The following EML4 variants were observed in gnomAD, a reference collection of about 807,000 sequenced individuals.
EML4 encodes the protein EMAP like 4.
EML4 carries 72 observed loss-of-function variants against 129.0 expected under a neutral mutation model. The ratio of observed to expected loss-of-function variants is 0.56; its 90% CI spans 0.46 to 0.68. EML4 has a LOEUF of 0.68. Ranked by LOEUF, EML4 falls within the 30% of genes least tolerant of loss-of-function variation. The pLI is 0.00. For synonymous variants in EML4, 532 were observed against 405.0 expected, an observed-to-expected ratio of 1.31 and a Z score of -3.77; for missense variants, 1,363 against 1,190.6, an observed-to-expected ratio of 1.14 and a Z score of -2.13.
chr2:42,284,748 G>T, intron 9 of EML4, 45 bp downstream of exon 9: 2 of 1,389,050 alleles, frequency 1.4e-6, no homozygotes, highest in Admixed American at 2.0e-5. Context: ...AGACATTGCT[G>T]TTAGAGTGGA....
chr2:42,268,221 CT>C (rs368982266), intron 6 of EML4, among the ~76,000 whole-genome samples: 10 of 151,872 alleles, frequency 6.6e-5, no homozygotes, highest in African/African-American at 1.9e-4. Flanking sequence ...CATGTATAAA[CT>C]TTTTTTTGTC....
rs1331297102 is a variant in EML4 at position 42,282,857 on chromosome 2, G to A, written c.826G>A (p.Val276Ile). ...TCGAGGAAAGGACTGTAGAGCTAAT[G>A]TTTACCTTCTTCCGACCGGGAAAAT... is the stretch of plus-strand genomic sequence containing the variant. ...GYRGKDCRAN[V>I]YLLPTGKIVY... is the part of the protein sequence containing the mutation. Residue 276 changes from valine (V) to isoleucine (I), a missense_variant, in exon 8 of 23, where the codon GTT (valine) becomes ATT (isoleucine). Transcript: ENST00000318522. 1 of 1,613,222 alleles carries A rather than the reference G, an allele frequency of 6.2e-7. No individual in the cohort carries two copies. The highest frequency in any genetic ancestry group is 2.2e-5 in the East Asian group (1 of 44,862).
intron 1 of EML4, among the ~76,000 whole-genome samples, chr2:42,200,723 T>C (rs931800119): frequency 2.0e-5 from 3 of 152,184 alleles, no homozygotes; most frequent in Non-Finnish European, 4.4e-5. Flanking sequence ...TCTAGAGGAA[T>C]GTTTTATATC....
In EML4 at chr2:42,169,777, C is replaced by T; in HGVS notation, c.25+141C>T. 5 of 934,314 alleles carry T rather than the reference C, an allele frequency of 5.4e-6. No homozygotes were observed. In the Admixed American group the frequency reaches 1.0e-4, roughly 19 times the overall value. 57.9% of individuals were successfully genotyped at this position (934,314 alleles called of 1,614,324 possible). Reference sequence around the variant, plus strand: ...GCACATGTTCCCTTCGAGGCTGCCGCCCCTCCGCGGACTCCGGTGGACTGA... The same window carrying T: ...GCACATGTTCCCTTCGAGGCTGCCGTCCCTCCGCGGACTCCGGTGGACTGA... On this transcript the variant is annotated intron_variant, in intron 1 of 22. Transcript: ENST00000318522.
At chr2:42,297,851 CA>C (rs1013061122) in intron 13 of EML4, among the ~76,000 whole-genome samples, 2 of 152,106 alleles carry the variant, frequency 1.3e-5, no homozygotes, top group Non-Finnish European at 2.9e-5. Context: ...TAATAGGAGA[CA>C]AACCAAAACT....
intron 6 of EML4, among the ~76,000 whole-genome samples, chr2:42,279,770 G>A (rs1014012708): frequency 1.5e-5 from 2 of 132,630 alleles, no homozygotes; most frequent in Admixed American, 7.1e-5. Flanking sequence ...CACCGCGCCC[G>A]GCTGTCTTTT....
chr2:42,273,007 C>G (rs1056448956), intron 6 of EML4, among the ~76,000 whole-genome samples: 2 of 152,082 alleles, frequency 1.3e-5, no homozygotes, highest in Non-Finnish European at 2.9e-5. Flanking sequence ...CTGCTGAGGC[C>G]TCCTGATTGC....
At chr2:42,200,855 A>G (rs1672189555) in intron 1 of EML4, among the ~76,000 whole-genome samples, 1 of 152,152 alleles carries the variant, frequency 6.6e-6, no homozygotes, top group African/African-American at 2.4e-5. Flanking sequence ...TTTGCAGGGG[A>G]CAGTAGGGGA....
At chr2:42,222,798 T>A (rs924354410) in intron 1 of EML4, among the ~76,000 whole-genome samples, 1 of 151,786 alleles carries the variant, frequency 6.6e-6, no homozygotes, top group African/African-American at 2.4e-5. Flanking sequence ...TTTGTTTTGT[T>A]TTGTTTTGTT....
chr2:42,222,428 T>A, intron 1 of EML4, among the ~76,000 whole-genome samples: 1 of 152,144 alleles, frequency 6.6e-6, no homozygotes, highest in East Asian at 1.9e-4. Context: ...TTATATGAAT[T>A]CTAATTTCAG....
intron 17 of EML4, among the ~76,000 whole-genome samples, chr2:42,309,493 C>T (rs974986186): frequency 2.0e-5 from 3 of 151,240 alleles, no homozygotes; most frequent in South Asian, 4.2e-4. Context: ...TCACAGCAGC[C>T]GTATTGTCTT....
intron 1 of EML4, among the ~76,000 whole-genome samples, chr2:42,178,093 A>G (rs1206149333): frequency 1.3e-5 from 2 of 152,216 alleles, no homozygotes; most frequent in South Asian, 2.1e-4. Flanking sequence ...GAATCTGAAT[A>G]TAATTAGAAT....
chr2:42,194,245 T>C (rs1671770116), intron 1 of EML4, among the ~76,000 whole-genome samples: 1 of 152,068 alleles, frequency 6.6e-6, no homozygotes, highest in African/African-American at 2.4e-5. Context: ...AGGCAAAGTA[T>C]ATTTGTATAT....
At chr2:42,245,090 C>CTTTTTTTTTTTTTTTTTTTTTT (rs960416568) in intron 1 of EML4, among the ~76,000 whole-genome samples, 3 of 14,510 alleles carry the variant, frequency 2.1e-4, no homozygotes. Context: ...TTGAAATTTT[C>CTTTTTTTTTTTTTTTTTTTTTT]TTTCTTTTTT....
Position 42,295,364 on chromosome 2 carries a change from T to C in EML4, c.1354-17T>C, listed in dbSNP as rs966872348. ...ATGGCAAAAAGAAAACTGAAAATTT[T>C]TATTGTTTCCTTGTAGAAATATGAA... On this transcript the variant is annotated splice_polypyrimidine_tract_variant and intron_variant, in intron 12 of 22. Transcript: ENST00000318522. 1.2e-6 allele frequency: 2 copies of C among 1,604,722 alleles called. No individual in the cohort carries two copies. Among genetic ancestry groups the C allele is most frequent in the Admixed American group, 1.7e-5 (1 of 57,298 alleles).
chr2:42,185,737 A>G (rs1671210370), intron 1 of EML4, among the ~76,000 whole-genome samples: 2 of 152,186 alleles, frequency 1.3e-5, no homozygotes, highest in African/African-American at 2.4e-5. Context: ...ACTAAAGGAC[A>G]TGTAATCAAG....
chr2:42,257,543 T>C (rs1031305394), intron 3 of EML4, among the ~76,000 whole-genome samples: 1 of 152,058 alleles, frequency 6.6e-6, no homozygotes, highest in African/African-American at 2.4e-5. Context: ...CTTTTAAAAA[T>C]TCCGTCTAGA....
At chr2:42,299,213 C>T (rs1285743413) in intron 13 of EML4, among the ~76,000 whole-genome samples, 1 of 152,174 alleles carries the variant, frequency 6.6e-6, no homozygotes, top group Admixed American at 6.5e-5. Flanking sequence ...TTCCTGTCTC[C>T]CTGCCATATA....
At position 42,332,313 on chromosome 2, in the gene EML4, C is replaced by T. The variant is rs141655489; in HGVS notation, c.*2106C>T. The T allele has an allele frequency of 1.6e-3, 335 of 211,236 alleles. 2 individuals are homozygous for T. Among genetic ancestry groups the T allele is most frequent in the African/African-American group, 7.3e-3 (320 of 44,114 alleles). The allele number at this position is 211,236 out of a possible 1,614,324, so 13.1% of individuals were successfully genotyped here. A position where few individuals can be genotyped will look rare whatever the true frequency, so the allele number is the denominator to read the frequency against. On this transcript the variant is annotated 3_prime_UTR_variant, in exon 23 of 23. Transcript: ENST00000318522. ...AAAGACACTACTAATACGCAGGAAG[C>T]GTTCCAGCTATTTAATGCTGGCAAC...
Sources: allele counts gnomAD v4.1 joint callset (sites outside exome capture counted in the v4.1 genomes callset), GRCh38; gene constraint gnomAD v4.1.1; transcripts MANE v1.5; gene names NCBI Gene and HGNC (gene_info 2026-07-23, HGNC 2026-07-21).